DAGLB: variants seen among roughly 807,000 people sequenced by gnomAD.
DAGLB encodes the protein diacylglycerol lipase-beta.
A neutral mutation model predicts 72.1 loss-of-function variants in DAGLB; 66 were observed. The ratio of observed to expected loss-of-function variants is 0.92; its 90% CI spans 0.75 to 1.12. The LOEUF (loss-of-function observed/expected upper bound fraction) is 1.12, where lower values mean the gene tolerates loss of function less well. Among genes scored for constraint, DAGLB ranks in the 50% most tolerant of loss-of-function variants. The probability of loss-of-function intolerance (pLI) is 0.00; values close to 1 mark genes in which losing one functional copy is unlikely to be tolerated. For synonymous variants in DAGLB, 414 were observed against 359.5 expected (o/e 1.15, Z -1.71); for missense variants, 1,065 against 884.9 (o/e 1.20, Z -2.58).
chr7:6,441,542 C>G (rs548000988), intron 2 of DAGLB, among the ~76,000 whole-genome samples: 6 of 151,516 alleles, frequency 4.0e-5, no homozygotes, highest in African/African-American at 9.7e-5. Flanking sequence ...CTCAGCCTCC[C>G]GAGTAGGTGT....
chr7:6,446,613 C>G (rs1785013248), intron 1 of DAGLB, among the ~76,000 whole-genome samples: 1 of 150,550 alleles, frequency 6.6e-6, no homozygotes. Context: ...CCAGACTGGT[C>G]TTGAACTCCT....
At chr7:6,415,509 C>A (rs143554032) in intron 11 of DAGLB, among the ~76,000 whole-genome samples, 1 of 150,212 alleles carries the variant, frequency 6.7e-6, no homozygotes, top group African/African-American at 2.4e-5. Flanking sequence ...AAAGGTTACA[C>A]AGAACAGTCA....
At position 6,413,144 on chromosome 7, in the gene DAGLB, C is replaced by T. The variant is rs1783788323; in HGVS notation, c.1428-110G>A. On this transcript the variant is annotated intron_variant, in intron 11 of 14. Coordinates refer to ENST00000297056, the MANE Select transcript of DAGLB (RefSeq NM_139179.4). ...GGGGTTAGGTTCCCAGGCCTCAGCT[C>T]TGTTCTCTCTTCTCTAAAGGGAGGG... is the stretch of plus-strand genomic sequence containing the variant. The T allele has an allele frequency of 3.5e-6, 4 of 1,141,292 alleles. No individual in the cohort carries two copies. In the South Asian group the frequency reaches 4.4e-5, roughly 12 times the overall value. The allele number at this position is 1,141,292 out of a possible 1,614,324, so 70.7% of individuals were successfully genotyped here.
rs931952354 is a variant in DAGLB, at chr7:6,420,690, G to A, written c.1218+1037C>T. Among the ~76,000 whole-genome samples the A allele has an allele frequency of 4.0e-5, 6 of 151,056 alleles. No homozygotes were observed. The South Asian group carries it at 1.3e-3, about 32-fold the overall frequency. ...CCGGAACTATACACTAACGACCAAC[G>A]AACAGTGAAACTGACCAATGTGTGT... On this transcript the variant is annotated intron_variant, in intron 9 of 14. Coordinates refer to ENST00000297056, the MANE Select transcript of DAGLB (RefSeq NM_139179.4).
At position 6,446,181 on chromosome 7, in the gene DAGLB, A is replaced by C. The variant is rs566351136; in HGVS notation, c.96-77T>G. On this transcript the variant is annotated intron_variant, in intron 1 of 14. Coordinates refer to ENST00000297056, the MANE Select transcript of DAGLB (RefSeq NM_139179.4). ...GTGTAGAACATGATACAAAGAAATA[A>C]AAGGGGACAGGGCGCGGTGGCTCAC... 3.4e-6 allele frequency: 5 copies of C among 1,473,374 alleles called. No individual in the cohort carries two copies. The East Asian group carries it at 7.1e-5, about 21-fold the overall frequency. 91.3% of individuals were successfully genotyped at this position (1,473,374 alleles called of 1,614,324 possible). A position where few individuals can be genotyped will look rare whatever the true frequency, so the allele number is the denominator to read the frequency against.
intron 2 of DAGLB, 86 bp from the exon 3 acceptor site, chr7:6,436,619 G>C: frequency 1.3e-6 from 2 of 1,559,408 alleles, no homozygotes; most frequent in Non-Finnish European, 1.8e-6. Context: ...CTTTTGCAGA[G>C]CATACATTTG....
chr7:6,424,438 C>G (rs186049455), intron 8 of DAGLB, among the ~76,000 whole-genome samples: 3 of 152,066 alleles, frequency 2.0e-5, no homozygotes, highest in Non-Finnish European at 4.4e-5. Flanking sequence ...GGAGGGCTCC[C>G]GGGTGTGGGG....
Position 6,410,440 on chromosome 7 carries a change from C to A in DAGLB, c.1570-60G>T. 1.9e-6 allele frequency: 3 copies of A among 1,540,360 alleles called. No homozygotes were observed. The Admixed American group carries it at 5.8e-5, about 30-fold the overall frequency. On this transcript the variant is annotated intron_variant, in intron 13 of 14. Transcript: ENST00000297056. ...CTCACCCTCTGTCACCCGAGACCTC[C>A]CGAAACACCAAGGCGGACCAGGCAC...
In DAGLB at chr7:6,426,124, G is replaced by C. The variant is rs1446682339; in HGVS notation, c.930-10C>G. On this transcript the variant is annotated splice_polypyrimidine_tract_variant and intron_variant, in intron 6 of 14. Transcript: ENST00000297056. The stretch of plus-strand genomic sequence containing the variant: ...GGTTCTGCTTCTGCAGCTAAAAAGA[G>C]GACAAAGACGTTACTATGCCGAACA... The C allele has an allele frequency of 6.2e-7, 1 of 1,613,098 alleles. No homozygotes were observed. The highest frequency in any genetic ancestry group is 2.2e-5 in the East Asian group (1 of 44,864).
At chr7:6,437,559 G>A (rs908803877) in intron 2 of DAGLB, among the ~76,000 whole-genome samples, 3 of 152,104 alleles carry the variant, frequency 2.0e-5, no homozygotes, top group Non-Finnish European at 2.9e-5. Context: ...AGCCTCTCTG[G>A]TAGCTAGGAC....
chr7:6,411,048 C>G (rs1783711514), intron 13 of DAGLB, among the ~76,000 whole-genome samples: 1 of 151,900 alleles, frequency 6.6e-6, no homozygotes, highest in Non-Finnish European at 1.5e-5. Flanking sequence ...CCGCACCCGG[C>G]TAATTTTTTG....
chr7:6,446,477 CAAAAAAAAAAAAAAAAAAAAAA>C (rs748156438), intron 1 of DAGLB, among the ~76,000 whole-genome samples: 1 of 58,636 alleles, frequency 1.7e-5, no homozygotes, highest in Non-Finnish European at 2.9e-5. Context: ...GACTCCGTCT[CAAAAAAAAAAAAAAAAAAAAAA>C]AAAAAAAAAA....
intron 8 of DAGLB, among the ~76,000 whole-genome samples, chr7:6,424,499 C>G (rs1784238687): frequency 6.6e-6 from 1 of 152,166 alleles, no homozygotes; most frequent in Non-Finnish European, 1.5e-5. Context: ...CAGGTGCCCT[C>G]TGGGAGCTCC....
intron 6 of DAGLB, among the ~76,000 whole-genome samples, chr7:6,428,288 G>C (rs2115269035): frequency 7.4e-6 from 1 of 134,546 alleles, no homozygotes; most frequent in Admixed American, 8.3e-5. Flanking sequence ...GGAGGTTGCA[G>C]TGAGCCAGGA....
At chr7:6,440,072 G>GA (rs1020942788) in intron 2 of DAGLB, among the ~76,000 whole-genome samples, 2 of 141,988 alleles carry the variant, frequency 1.4e-5, no homozygotes, top group African/African-American at 5.2e-5. Flanking sequence ...AAAAAAGAAA[G>GA]AAAAAGAAAC....
chr7:6,417,057 G>T, intron 9 of DAGLB, 136 bp from the exon 10 acceptor site: 2 of 984,858 alleles, frequency 2.0e-6, no homozygotes, highest in Non-Finnish European at 3.1e-6. Context: ...CAGCAGCCAC[G>T]TCCATCGTGC....
intron 2 of DAGLB, among the ~76,000 whole-genome samples, chr7:6,437,064 G>A (rs1004125922): frequency 6.6e-6 from 1 of 151,526 alleles, no homozygotes; most frequent in African/African-American, 2.4e-5. Flanking sequence ...TGAGACAGGA[G>A]AATCGCTTGA....
At chr7:6,438,713 T>C (rs1784738993) in intron 2 of DAGLB, among the ~76,000 whole-genome samples, 1 of 152,182 alleles carries the variant, frequency 6.6e-6, no homozygotes, top group African/African-American at 2.4e-5. Flanking sequence ...AATCAAGAGA[T>C]GGAGTTGCTC....
At chr7:6,447,639 G>A (rs1785053093) in intron 1 of DAGLB, 109 bp downstream of exon 1, 1 of 1,421,670 alleles carries the variant, frequency 7.0e-7, no homozygotes, top group African/African-American at 1.5e-5. Flanking sequence ...GGCCAGCGCT[G>A]GGACCGCGAC....
Sources: gnomAD v4.1 joint callset for allele counts (sites outside exome capture counted in the v4.1 genomes callset) on GRCh38, gnomAD v4.1.1 for gene constraint, MANE v1.5 for transcripts, NCBI Gene and HGNC (gene_info 2026-07-23, HGNC 2026-07-21) for gene names.